The following G3BP2 variants were observed in gnomAD, a reference collection of about 807,000 sequenced individuals.
The protein encoded by G3BP2 is ras GTPase-activating protein-binding protein 2.
Under a neutral mutation model 56.7 loss-of-function variants are expected in G3BP2, and 11 were observed. The ratio of observed to expected loss-of-function variants is 0.19; its 90% CI spans 0.12 to 0.32. G3BP2 has a LOEUF of 0.32. Ranked by LOEUF, G3BP2 falls within the 10% of genes least tolerant of loss-of-function variation. G3BP2 has a pLI of 1.00. For synonymous variants in G3BP2, 165 were observed against 191.6 expected (o/e 0.86, Z 1.15); for missense variants, 340 against 610.9 (o/e 0.56, Z 4.67).
chr4:75,651,989 T>C (rs185444657), intron 8 of G3BP2, among the ~76,000 whole-genome samples: 3 of 152,320 alleles, frequency 2.0e-5, no homozygotes, highest in East Asian at 1.9e-4. Context: ...AAATGAATAC[T>C]ACACAAAAGT....
At chr4:75,698,261 C>T (rs898440878) in intron 3 of G3BP2, among the ~76,000 whole-genome samples, 12 of 152,096 alleles carry the variant, frequency 7.9e-5, no homozygotes, top group African/African-American at 2.7e-4. Flanking sequence ...AGGAAGGAAG[C>T]AGCCAGTGAA....
At chr4:75,654,999 A>G (rs1208991529) in intron 7 of G3BP2, 67 bp downstream of exon 7, 3 of 1,011,016 alleles carry the variant, frequency 3.0e-6, no homozygotes, top group African/African-American at 1.6e-5. Flanking sequence ...GAAAAAGGTC[A>G]TACTTCATTA....
At chr4:75,693,895 C>T (rs1295222466) in intron 3 of G3BP2, among the ~76,000 whole-genome samples, 1 of 151,726 alleles carries the variant, frequency 6.6e-6, no homozygotes, top group African/African-American at 2.4e-5. Context: ...ACCACCATGT[C>T]TGGCTAATTT....
rs1266520748 is a variant in G3BP2, at chr4:75,673,217, ACGG to A, written c.-37_-35del. The A allele has an allele frequency of 1.7e-6, 2 of 1,209,956 alleles. No individual in the cohort carries two copies. The highest frequency in any genetic ancestry group is 2.1e-6 in the Non-Finnish European group (2 of 974,220). 75.0% of individuals were successfully genotyped at this position (1,209,956 alleles called of 1,614,324 possible). ...CGGCGCCCGTACACACCTCCAGCCAACGGCGGCGGCGGGTACGTCGCGCGGAGG... is the reference window on the plus strand; with the variant it reads ...CGGCGCCCGTACACACCTCCAGCCAACGGCGGCGGGTACGTCGCGCGGAGG... On this transcript the variant is annotated 5_prime_UTR_variant, in exon 1 of 12. Coordinates refer to ENST00000359707, the MANE Select transcript of G3BP2 (RefSeq NM_203505.3).
intron 3 of G3BP2, among the ~76,000 whole-genome samples, chr4:75,710,910 T>C (rs1719730365): frequency 6.6e-6 from 1 of 152,160 alleles, no homozygotes; most frequent in Non-Finnish European, 1.5e-5. Flanking sequence ...GCAATCCTTC[T>C]GCCTTGGCCT....
At chr4:75,674,712 ATATATATTTTTTTT>A (rs1379132360), upstream of G3BP2, among the ~76,000 whole-genome samples, 13 of 50,012 alleles carry the variant, frequency 2.6e-4, no homozygotes, top group African/African-American at 7.7e-4. Flanking sequence ...ATATATATAT[ATATATATTTTTTTT>A]TTTTTTTTTT....
chr4:75,657,120 G>C, intron 4 of G3BP2, 106 bp from the exon 5 acceptor site: 1 of 596,922 alleles, frequency 1.7e-6, no homozygotes, highest in Non-Finnish European at 2.9e-6. Context: ...TAGAGATCTT[G>C]ACTCAATATA....
At chr4:75,681,674 C>T (rs911313214) in intron 3 of G3BP2, among the ~76,000 whole-genome samples, 7 of 151,696 alleles carry the variant, frequency 4.6e-5, no homozygotes, top group East Asian at 2.0e-4. Flanking sequence ...ACATGGCGAA[C>T]CCTGTCTCTA....
At chr4:75,668,498 G>A (rs1239724033) in intron 1 of G3BP2, among the ~76,000 whole-genome samples, 2 of 152,138 alleles carry the variant, frequency 1.3e-5, no homozygotes, top group Admixed American at 1.3e-4. Flanking sequence ...AGGTAGATTT[G>A]GGTGAAACAT....
chr4:75,713,872 G>GA, intron 3 of G3BP2, among the ~76,000 whole-genome samples: 1 of 152,346 alleles, frequency 6.6e-6, no homozygotes, highest in East Asian at 1.9e-4. Flanking sequence ...GATATACTAT[G>GA]AGAAGGACAG....
At chr4:75,698,922 C>T (rs1719225593) in intron 3 of G3BP2, among the ~76,000 whole-genome samples, 1 of 152,100 alleles carries the variant, frequency 6.6e-6, no homozygotes, top group South Asian at 2.1e-4. Flanking sequence ...TGTCAAACTC[C>T]TGGGCTCAAG....
chr4:75,707,603 C>CAAA (rs34253273), intron 3 of G3BP2, among the ~76,000 whole-genome samples: 1,214 of 116,708 alleles, frequency 0.01, 24 homozygotes, highest in African/African-American at 0.028. Flanking sequence ...GAGCGAGACT[C>CAAA]AAAAAAAAAA....
intron 3 of G3BP2, among the ~76,000 whole-genome samples, chr4:75,714,484 T>C (rs529271807): frequency 6.6e-6 from 1 of 152,076 alleles, no homozygotes; most frequent in Non-Finnish European, 1.5e-5. Flanking sequence ...AAAAATTAAC[T>C]GGGCGTGGTG....
intron 3 of G3BP2, among the ~76,000 whole-genome samples, chr4:75,681,064 C>A (rs375418701): frequency 1.3e-5 from 2 of 151,390 alleles, no homozygotes; most frequent in East Asian, 3.9e-4. Flanking sequence ...GTGGCTCATG[C>A]CTGTAACCCA....
chr4:75,663,089 A>C (rs985397243), intron 1 of G3BP2, among the ~76,000 whole-genome samples: 1 of 152,204 alleles, frequency 6.6e-6, no homozygotes, highest in East Asian at 1.9e-4. Context: ...GTTTATAATA[A>C]ATGAAATACT....
intron 3 of G3BP2, among the ~76,000 whole-genome samples, chr4:75,702,164 C>A (rs1012729757): frequency 3.6e-5 from 5 of 140,508 alleles, no homozygotes; most frequent in South Asian, 2.2e-4. Context: ...GGTATATAAA[C>A]CCCCCAATTT....
At position 75,683,345 on chromosome 4, in the gene G3BP2, T is replaced by C. The variant is rs1734156354; in HGVS notation, c.-24-21296A>G. Reference sequence around the variant, plus strand: ...GTGAGGCCAAGGCGGGCAGATCACCTGAGGTCAGGAATTTGAGACCAGCCT... The same window carrying C: ...GTGAGGCCAAGGCGGGCAGATCACCCGAGGTCAGGAATTTGAGACCAGCCT... On this transcript the variant is annotated intron_variant, in intron 3 of 3. Coordinates refer to the G3BP2 transcript ENST00000499709. 2.6e-5 allele frequency among the ~76,000 whole-genome samples: 4 copies of C among 152,220 alleles called. No individual in the cohort carries two copies. The South Asian group carries it at 6.2e-4, about 24-fold the overall frequency.
Position 75,645,687 on chromosome 4 carries a change from C to T in G3BP2, c.1192G>A (p.Gly398Arg), listed in dbSNP as rs1314182191. 1 of 1,613,784 alleles carries T rather than the reference C, an allele frequency of 6.2e-7. No homozygotes were observed. The highest frequency in any genetic ancestry group is 8.5e-7 in the Non-Finnish European group (1 of 1,179,940). Reference sequence around the variant, plus strand: ...TCTTCCACATTTAAACGTACTTCCCCTCGAAACATAATCGGCTTTATAAAA... The same window carrying T: ...TCTTCCACATTTAAACGTACTTCCCTTCGAAACATAATCGGCTTTATAAAA... ...ILIAKPIMFR[G>R]EVRLNVEEKK... Residue 398 changes from glycine (G) to arginine (R), a missense_variant, in exon 12 of 12, where the codon GGG (glycine) becomes AGG (arginine). By Grantham distance (125) the Gly-to-Arg change is moderately radical. Transcript: ENST00000359707.
At chr4:75,652,438 A>G (rs971233974) in intron 8 of G3BP2, among the ~76,000 whole-genome samples, 2 of 152,184 alleles carry the variant, frequency 1.3e-5, no homozygotes, top group Non-Finnish European at 2.9e-5. Context: ...CCTGGTCTAC[A>G]TGGTGAAACC....
Sources: gnomAD v4.1 joint callset for allele counts (sites outside exome capture counted in the v4.1 genomes callset) on GRCh38, gnomAD v4.1.1 for gene constraint, MANE v1.5 for transcripts, NCBI Gene and HGNC (gene_info 2026-07-23, HGNC 2026-07-21) for gene names.